Variants in ENTREP2 observed in about 807,000 individuals in gnomAD.
The protein encoded by ENTREP2 is protein ENTREP2.
chr15:29,571,335 C>T, the ENTREP2 span, among the ~76,000 whole-genome samples: 1 of 152,206 alleles, frequency 6.6e-6, no homozygotes, highest in Non-Finnish European at 1.5e-5. Context: ...GCCAGCCGAG[C>T]CTTCAGAGCC....
the ENTREP2 span, among the ~76,000 whole-genome samples, chr15:29,395,434 A>G: frequency 1.3e-5 from 2 of 152,136 alleles, no homozygotes; most frequent in African/African-American, 4.8e-5. Context: ...AAACCTCCTC[A>G]ATAATTACAA....
At chr15:29,662,754 C>T in the ENTREP2 span, among the ~76,000 whole-genome samples, 82 of 152,142 alleles carry the variant, frequency 5.4e-4, no homozygotes, top group Non-Finnish European at 2.9e-4. Context: ...GAGTTTCTCT[C>T]GTGTTGCCCA....
At chr15:29,339,857 T>C in the ENTREP2 span, among the ~76,000 whole-genome samples, 2 of 152,378 alleles carry the variant, frequency 1.3e-5, no homozygotes, top group South Asian at 2.1e-4. Flanking sequence ...TGCTGCCCAG[T>C]AGGCGGCTCA....
chr15:29,315,298 T>G, the ENTREP2 span, among the ~76,000 whole-genome samples: 1 of 152,080 alleles, frequency 6.6e-6, no homozygotes, highest in African/African-American at 2.4e-5. Flanking sequence ...CCATAAAAGA[T>G]CAATAAGGAA....
the ENTREP2 span, among the ~76,000 whole-genome samples, chr15:29,514,219 CAA>C: frequency 2.6e-5 from 4 of 152,288 alleles, no homozygotes; most frequent in South Asian, 6.2e-4. Context: ...ATCCAATGAA[CAA>C]CTCTCCTTTC....
At chr15:29,469,739 T>C in the ENTREP2 span, among the ~76,000 whole-genome samples, 2 of 152,048 alleles carry the variant, frequency 1.3e-5, no homozygotes, top group East Asian at 3.9e-4. Flanking sequence ...GTTTCACATA[T>C]GTGTATTTTA....
At chr15:29,561,864 A>C in the ENTREP2 span, among the ~76,000 whole-genome samples, 1 of 152,190 alleles carries the variant, frequency 6.6e-6, no homozygotes, top group Non-Finnish European at 1.5e-5. Context: ...GCATAATCTG[A>C]GACTTCCTTA....
chr15:29,621,976 A>G, the ENTREP2 span, among the ~76,000 whole-genome samples: 1 of 152,140 alleles, frequency 6.6e-6, no homozygotes, highest in African/African-American at 2.4e-5. Flanking sequence ...AAGAACAAAT[A>G]CCGCGTTATT....
the ENTREP2 span, among the ~76,000 whole-genome samples, chr15:29,502,168 A>G: frequency 6.6e-6 from 1 of 151,948 alleles, no homozygotes; most frequent in African/African-American, 2.4e-5. Flanking sequence ...ACAAGTCAAA[A>G]CAATCTTGAA....
At chr15:29,576,674 T>A in the ENTREP2 span, among the ~76,000 whole-genome samples, 1 of 152,214 alleles carries the variant, frequency 6.6e-6, no homozygotes, top group Non-Finnish European at 1.5e-5. Context: ...TGAATAGACA[T>A]TTCTCCTAAG....
chr15:29,231,944 G>A, the ENTREP2 span, among the ~76,000 whole-genome samples: 15 of 145,018 alleles, frequency 1.0e-4, no homozygotes, highest in Admixed American at 1.1e-3. Context: ...AGGCCGGAGT[G>A]AGTGGCGCAA....
chr15:29,636,992 A>G, the ENTREP2 span, among the ~76,000 whole-genome samples: 1 of 149,664 alleles, frequency 6.7e-6, no homozygotes, highest in Non-Finnish European at 1.5e-5. Context: ...TAACATAAAC[A>G]TGGTTTAAAC....
chr15:29,185,488 G>A, the ENTREP2 span, among the ~76,000 whole-genome samples: 29 of 152,324 alleles, frequency 1.9e-4, no homozygotes, highest in African/African-American at 6.0e-4. Flanking sequence ...TTTTCACACA[G>A]TACACATTCT....
chr15:29,558,467 C>T, the ENTREP2 span, among the ~76,000 whole-genome samples: 2 of 151,558 alleles, frequency 1.3e-5, no homozygotes, highest in Non-Finnish European at 2.9e-5. Flanking sequence ...GCCCTCTTCA[C>T]GACCTCCCAG....
the ENTREP2 span, among the ~76,000 whole-genome samples, chr15:29,263,763 G>A: frequency 1.3e-5 from 2 of 152,264 alleles, no homozygotes; most frequent in South Asian, 2.1e-4. Flanking sequence ...ATAGGCATGA[G>A]CAAACCTAGC....
At chr15:29,441,555 C>T in the ENTREP2 span, among the ~76,000 whole-genome samples, 191 of 152,042 alleles carry the variant, frequency 1.3e-3, 1 homozygote, top group African/African-American at 4.4e-3. Context: ...GTTATGCGCA[C>T]GTGTGTGTGT....
the ENTREP2 span, among the ~76,000 whole-genome samples, chr15:29,405,136 C>A: frequency 1.3e-5 from 2 of 152,190 alleles, no homozygotes; most frequent in Admixed American, 1.3e-4. Flanking sequence ...CACCTGTAAT[C>A]CCAGCACTTT....
the ENTREP2 span, among the ~76,000 whole-genome samples, chr15:29,515,011 C>A: frequency 6.6e-6 from 1 of 152,224 alleles, no homozygotes. Context: ...TTGATGGAAT[C>A]TCTGTCTGCA....
At chr15:29,635,530 G>C in the ENTREP2 span, among the ~76,000 whole-genome samples, 62 of 152,274 alleles carry the variant, frequency 4.1e-4, no homozygotes, top group Admixed American at 3.1e-3. Flanking sequence ...AGAGGAGCTC[G>C]GAAGTGTGGC....
Sources: gnomAD v4.1 joint callset for allele counts (sites outside exome capture counted in the v4.1 genomes callset) on GRCh38, gnomAD v4.1.1 for gene constraint, MANE v1.5 for transcripts, NCBI Gene and HGNC (gene_info 2026-07-23, HGNC 2026-07-21) for gene names.